Variants in CDH12 observed in about 807,000 individuals in gnomAD.
The protein encoded by CDH12 is cadherin 12.
CDH12 carries 41 observed loss-of-function variants against 74.1 expected under a neutral mutation model. The ratio of observed to expected loss-of-function variants is 0.55; its 90% CI spans 0.43 to 0.72. The LOEUF (loss-of-function observed/expected upper bound fraction) is 0.72, where lower values mean the gene tolerates loss of function less well. Ranked by LOEUF, CDH12 falls within the 30% of genes least tolerant of loss-of-function variation. The pLI is 0.00. For missense variants in CDH12, 945 were observed against 977.2 expected, an observed-to-expected ratio of 0.97 and a Z score of 0.44; for synonymous variants, 399 against 355.0, an observed-to-expected ratio of 1.12 and a Z score of -1.39.
intron 2 of CDH12, among the ~76,000 whole-genome samples, chr5:22,468,839 C>T (rs1295040342): frequency 2.0e-5 from 3 of 152,134 alleles, no homozygotes; most frequent in African/African-American, 7.2e-5. Flanking sequence ...CTCCCATATC[C>T]TCTCAAAAGT....
chr5:22,636,575 G>A (rs1045445812), intron 1 of CDH12, among the ~76,000 whole-genome samples: 2 of 152,148 alleles, frequency 1.3e-5, no homozygotes, highest in African/African-American at 4.8e-5. Flanking sequence ...TTTAAAAAAT[G>A]ACACGTTGTT....
At chr5:22,812,119 CAT>C (rs1168732049) in intron 1 of CDH12, among the ~76,000 whole-genome samples, 2 of 152,038 alleles carry the variant, frequency 1.3e-5, no homozygotes, top group Admixed American at 1.3e-4. Context: ...TGGAACTGGA[CAT>C]ATAAGATTAT....
At chr5:22,114,751 A>C (rs996172046) in intron 4 of CDH12, among the ~76,000 whole-genome samples, 3 of 152,184 alleles carry the variant, frequency 2.0e-5, no homozygotes, top group African/African-American at 7.2e-5. Context: ...ACGTTATGTC[A>C]GATAGTTTCT....
rs571807284 is a variant in CDH12, at chr5:22,243,991, T to G, written c.-332-31348A>C. Among the ~76,000 whole-genome samples, 7 of 152,294 alleles carry G rather than the reference T, an allele frequency of 4.6e-5. No homozygotes were observed. In the South Asian group the frequency reaches 1.5e-3, roughly 32 times the overall value. ...AAAGGGATAAATTAAATTGGGATCT[T>G]AAAGAGTCTTGTGTTAGTCACTTTG... On this transcript the variant is annotated intron_variant, in intron 3 of 14. Coordinates refer to ENST00000382254, the MANE Select transcript of CDH12 (RefSeq NM_004061.5).
intron 8 of CDH12, among the ~76,000 whole-genome samples, chr5:21,824,393 G>A (rs778276801): frequency 6.6e-6 from 1 of 152,058 alleles, no homozygotes; most frequent in Non-Finnish European, 1.5e-5. Context: ...CATTGCCTCT[G>A]CTTTGATGGA....
chr5:22,743,273 T>TATATATATAC lies in CDH12; in HGVS notation c.-523+109784_-523+109785insGTATATATAT, dbSNP rs1553997536. ...ATAGCATGGAGATTATATATATATA[T>TATATATATAC]ATATATATGTATATATATGTATATG... On this transcript the variant is annotated intron_variant, in intron 1 of 14. Transcript: ENST00000382254. 1.4e-4 allele frequency among the ~76,000 whole-genome samples: 20 copies of TATATATATAC among 144,804 alleles called. No individual in the cohort carries two copies. The South Asian group carries it at 3.8e-3, about 28-fold the overall frequency. The allele number at this position is 144,804 out of a possible 152,430, so 95.0% of individuals were successfully genotyped here. A position where few individuals can be genotyped will look rare whatever the true frequency, so the allele number is the denominator to read the frequency against.
intron 4 of CDH12, among the ~76,000 whole-genome samples, chr5:22,172,828 T>C (rs1377199476): frequency 1.3e-5 from 2 of 151,732 alleles, no homozygotes; most frequent in Non-Finnish European, 2.9e-5. Context: ...ATGCAAATTT[T>C]ACATAGCAAA....
chr5:22,761,928 C>G (rs1461365351), intron 1 of CDH12, among the ~76,000 whole-genome samples: 1 of 130,982 alleles, frequency 7.6e-6, no homozygotes, highest in Non-Finnish European at 1.7e-5. Flanking sequence ...TGTAATTTCT[C>G]AAACACACAC....
intron 3 of CDH12, among the ~76,000 whole-genome samples, chr5:22,370,336 G>A (rs979440821): frequency 9.2e-5 from 14 of 152,112 alleles, no homozygotes; most frequent in Non-Finnish European, 5.9e-5. Flanking sequence ...TCACTCCCAA[G>A]TTGCTTGGAC....
intron 5 of CDH12, among the ~76,000 whole-genome samples, chr5:22,018,338 C>T (rs1376250678): frequency 2.0e-5 from 3 of 151,852 alleles, no homozygotes; most frequent in African/African-American, 7.3e-5. Flanking sequence ...TTTCAAAACA[C>T]TTTGTACTAT....
chr5:22,460,180 A>T (rs1745442970), intron 2 of CDH12, among the ~76,000 whole-genome samples: 1 of 152,130 alleles, frequency 6.6e-6, no homozygotes, highest in South Asian at 2.1e-4. Flanking sequence ...AAATGTAAAG[A>T]TTCTTTCTGG....
intron 6 of CDH12, among the ~76,000 whole-genome samples, chr5:21,955,618 G>A (rs529467334): frequency 8.7e-4 from 132 of 152,074 alleles, no homozygotes; most frequent in Admixed American, 2.8e-3. Flanking sequence ...TATTTATTTT[G>A]ACAGTTTCAG....
chr5:22,430,622 A>T (rs2126519355), intron 2 of CDH12, among the ~76,000 whole-genome samples: 1 of 152,196 alleles, frequency 6.6e-6, no homozygotes, highest in African/African-American at 2.4e-5. Context: ...CTCCTCCTGT[A>T]TTCCCTGGCA....
At chr5:22,732,222 A>T (rs992560824) in intron 1 of CDH12, among the ~76,000 whole-genome samples, 1 of 151,804 alleles carries the variant, frequency 6.6e-6, no homozygotes, top group African/African-American at 2.4e-5. Context: ...TTCTCCTGGC[A>T]TCTTCACACG....
intron 10 of CDH12, among the ~76,000 whole-genome samples, chr5:21,787,807 C>T (rs555720195): frequency 2.0e-5 from 3 of 152,278 alleles, no homozygotes; most frequent in African/African-American, 4.8e-5. Context: ...GAAGTTAAGG[C>T]ACACCAAAAG....
At chr5:22,841,588 C>T (rs531589510) in intron 1 of CDH12, among the ~76,000 whole-genome samples, 6 of 151,986 alleles carry the variant, frequency 3.9e-5, no homozygotes, top group Admixed American at 2.0e-4. Context: ...TCTCTAAGGG[C>T]GTGGGTGTAG....
rs148184473 is a variant in CDH12 at position 22,057,096 on chromosome 5, C to A, written c.231+21350G>T. Among the ~76,000 whole-genome samples the A allele has an allele frequency of 2.6e-5, 4 of 152,214 alleles. No homozygotes were observed. In the East Asian group the frequency reaches 7.7e-4, roughly 29 times the overall value. On this transcript the variant is annotated intron_variant, in intron 5 of 14. Transcript: ENST00000382254. The stretch of plus-strand genomic sequence containing the variant: ...TTTTCTTTTTCTGAGTAGTAAGGAC[C>A]AAGTAGTAAGCATTTTAGGTGTTAT...
intron 1 of CDH12, among the ~76,000 whole-genome samples, chr5:22,611,552 T>C (rs929772668): frequency 6.6e-6 from 1 of 152,090 alleles, no homozygotes; most frequent in Non-Finnish European, 1.5e-5. Context: ...CCCTGGGCTA[T>C]TGATGTTAGA....
In CDH12 at chr5:22,452,880, C is replaced by CAAAAA. The variant is rs768945480; in HGVS notation, c.-427-47534_-427-47530dup. Among the ~76,000 whole-genome samples, 272 of 32,196 alleles carry CAAAAA rather than the reference C, an allele frequency of 8.4e-3. 11 individuals are homozygous for CAAAAA. The highest frequency in any genetic ancestry group is 0.035 in the African/African-American group (237 of 6,868). The allele number at this position is 32,196 out of a possible 152,430, so 21.1% of individuals were successfully genotyped here. A position where few individuals can be genotyped will look rare whatever the true frequency, so the allele number is the denominator to read the frequency against. ...ATAAGAAACTCAAACAACCTAAGAG[C>CAAAAA]AAAAAAAAAAAAAAAAAAAAAAAAT... On this transcript the variant is annotated intron_variant, in intron 2 of 14. Transcript: ENST00000382254.
Sources: allele counts gnomAD v4.1 joint callset (sites outside exome capture counted in the v4.1 genomes callset), GRCh38; gene constraint gnomAD v4.1.1; transcripts MANE v1.5; gene names NCBI Gene and HGNC (gene_info 2026-07-23, HGNC 2026-07-21).